Variants in NRG3 observed in about 807,000 individuals in gnomAD.
NRG3 encodes neuregulin 3, also known as pro-neuregulin-3, membrane-bound isoform.
Under a neutral mutation model 66.9 loss-of-function variants are expected in NRG3, and 31 were observed. The observed-to-expected ratio is 0.46, with a 90% CI of 0.35 to 0.63. The LOEUF (loss-of-function observed/expected upper bound fraction) is 0.63. NRG3 is among the 20% of genes least tolerant of loss of function. The pLI, the probability that NRG3 is intolerant of heterozygous loss-of-function variation, is 0.00. For synonymous variants in NRG3, 393 were observed against 359.4 expected (o/e 1.09, Z -1.06); for missense variants, 910 against 878.9 (o/e 1.04, Z -0.45).
At chr10:82,880,605 A>G (rs1842219385) in intron 4 of NRG3, among the ~76,000 whole-genome samples, 1 of 152,154 alleles carries the variant, frequency 6.6e-6, no homozygotes, top group African/African-American at 2.4e-5. Context: ...AAATATGATG[A>G]TATCCTACTT....
At chr10:82,042,729 T>A (rs903581757) in intron 1 of NRG3, among the ~76,000 whole-genome samples, 6 of 152,038 alleles carry the variant, frequency 3.9e-5, no homozygotes, top group Non-Finnish European at 5.9e-5. Context: ...ATGAAAAGTG[T>A]TCAGAATTTT....
chr10:82,304,983 CTTTTTTTTTTTTTT>C (rs760661674), intron 1 of NRG3, among the ~76,000 whole-genome samples: 6 of 73,868 alleles, frequency 8.1e-5, no homozygotes, highest in African/African-American at 3.8e-4. Flanking sequence ...TCAGATTCCT[CTTTTTTTTTTTTTT>C]TTTTTTTTTT....
chr10:82,958,503 T>C (rs1850295122), intron 5 of NRG3, among the ~76,000 whole-genome samples: 1 of 152,204 alleles, frequency 6.6e-6, no homozygotes, highest in Non-Finnish European at 1.5e-5. Context: ...TTATGGTATA[T>C]AGTCAAGTTG....
chr10:82,948,899 A>T (rs1849265723), intron 4 of NRG3, among the ~76,000 whole-genome samples: 1 of 152,030 alleles, frequency 6.6e-6, no homozygotes, highest in South Asian at 2.1e-4. Flanking sequence ...AATGATTTTT[A>T]TTCCTATTTT....
chr10:82,193,358 G>T lies in NRG3; in HGVS notation c.824-165381G>T, dbSNP rs554338740. On this transcript the variant is annotated intron_variant, in intron 1 of 8. Coordinates refer to ENST00000372141, the MANE Select transcript of NRG3 (RefSeq NM_001010848.4). ...GGGTTTTGCCATGTTGGCCAAGCTG[G>T]TCTTGAACTCCTGACCTCAAGTAAT... Among the ~76,000 whole-genome samples the T allele has an allele frequency of 2.6e-5, 4 of 152,292 alleles. No homozygotes were observed. The East Asian group carries it at 7.7e-4, about 29-fold the overall frequency.
intron 3 of NRG3, among the ~76,000 whole-genome samples, chr10:82,864,197 G>A (rs1165525371): frequency 6.6e-6 from 1 of 152,070 alleles, no homozygotes; most frequent in Non-Finnish European, 1.5e-5. Flanking sequence ...CGTTGTGAAT[G>A]TATCAAGTTA....
intron 3 of NRG3, among the ~76,000 whole-genome samples, chr10:82,769,163 CTA>C (rs2059622913): frequency 6.6e-6 from 1 of 151,986 alleles, no homozygotes; most frequent in African/African-American, 2.4e-5. Context: ...CATTACCAAC[CTA>C]TATGTTTTTG....
At chr10:82,726,333 C>G (rs749049556) in intron 2 of NRG3, among the ~76,000 whole-genome samples, 9 of 152,146 alleles carry the variant, frequency 5.9e-5, no homozygotes, top group African/African-American at 9.7e-5. Context: ...GGCTGTGTCC[C>G]CACCCAAATC....
chr10:82,392,109 AT>A (rs1435777364), intron 2 of NRG3, among the ~76,000 whole-genome samples: 1 of 152,102 alleles, frequency 6.6e-6, no homozygotes, highest in Non-Finnish European at 1.5e-5. Flanking sequence ...TTAAATGAAA[AT>A]ATCCCATCTA....
chr10:82,494,053 C>T (rs1473761663), intron 2 of NRG3, among the ~76,000 whole-genome samples: 1 of 152,176 alleles, frequency 6.6e-6, no homozygotes, highest in African/African-American at 2.4e-5. Flanking sequence ...CATCTCACAC[C>T]AGTCAGAATG....
At chr10:82,244,457 T>A (rs918085794) in intron 1 of NRG3, among the ~76,000 whole-genome samples, 1 of 152,152 alleles carries the variant, frequency 6.6e-6, no homozygotes, top group Admixed American at 6.5e-5. Context: ...GTTGACCTCA[T>A]CTTTTTGGAG....
At chr10:82,887,643 CA>C (rs1420497862) in intron 4 of NRG3, among the ~76,000 whole-genome samples, 1 of 152,170 alleles carries the variant, frequency 6.6e-6, no homozygotes, top group Admixed American at 6.5e-5. Flanking sequence ...TTGAAACAGA[CA>C]ATTAAAGGAA....
chr10:82,206,588 A>C (rs956665244), intron 1 of NRG3, among the ~76,000 whole-genome samples: 1 of 151,972 alleles, frequency 6.6e-6, no homozygotes, highest in Admixed American at 6.6e-5. Context: ...TGTGTGAACC[A>C]CCCTTGAAAA....
In NRG3 at chr10:82,272,224, G is replaced by GA. The variant is rs552324107; in HGVS notation, c.824-86508dup. Among the ~76,000 whole-genome samples, 6 of 152,024 alleles carry GA rather than the reference G, an allele frequency of 3.9e-5. No individual in the cohort carries two copies. The East Asian group carries it at 9.7e-4, about 25-fold the overall frequency. On this transcript the variant is annotated intron_variant, in intron 1 of 8. Coordinates refer to ENST00000372141, the MANE Select transcript of NRG3 (RefSeq NM_001010848.4). ...TGCATGATGATAAAGGATGAAGCAA[G>GA]AAAAAAATGTGAATTCTGAGTCCTC...
chr10:82,660,196 CAAAAAAAAAAAAAAAAAAAAAAAAAAAAA>C (rs58870828), intron 2 of NRG3, among the ~76,000 whole-genome samples: 1 of 19,566 alleles, frequency 5.1e-5, no homozygotes, highest in Admixed American at 1.2e-3. Context: ...AACTCCCTCT[CAAAAAAAAAAAAAAAAAAAAAAAAAAAAA>C]AAAAAAAAAA....
chr10:82,817,361 A>T (rs1432107430), intron 3 of NRG3, among the ~76,000 whole-genome samples: 1 of 152,234 alleles, frequency 6.6e-6, no homozygotes, highest in Non-Finnish European at 1.5e-5. Flanking sequence ...CTGAGCTAGG[A>T]CTACAAACCT....
intron 1 of NRG3, among the ~76,000 whole-genome samples, chr10:82,210,284 C>T (rs2075334076): frequency 6.6e-6 from 1 of 152,112 alleles, no homozygotes. Context: ...TTATTAAAGT[C>T]CGGCTCCCAT....
chr10:82,467,797 G>A (rs994098668), intron 2 of NRG3, among the ~76,000 whole-genome samples: 12 of 152,266 alleles, frequency 7.9e-5, no homozygotes, highest in Admixed American at 5.9e-4. Flanking sequence ...TCAGTCATAA[G>A]TATATTTGAT....
intron 1 of NRG3, among the ~76,000 whole-genome samples, chr10:82,200,783 A>G (rs923932253): frequency 9.2e-5 from 14 of 152,086 alleles, no homozygotes; most frequent in African/African-American, 3.4e-4. Flanking sequence ...GTGAACTAAC[A>G]CTTAGGAGTT....
Sources: allele counts gnomAD v4.1 joint callset (sites outside exome capture counted in the v4.1 genomes callset), GRCh38; gene constraint gnomAD v4.1.1; transcripts MANE v1.5; gene names NCBI Gene and HGNC (gene_info 2026-07-23, HGNC 2026-07-21).